The following GABRB2 variants were observed in gnomAD, a reference collection of about 807,000 sequenced individuals.
GABRB2 encodes gamma-aminobutyric acid type A receptor subunit beta2, also known as gamma-aminobutyric acid receptor subunit beta-2.
A neutral mutation model predicts 54.7 loss-of-function variants in GABRB2; 16 were observed. That is an observed-to-expected ratio of 0.29 (90% CI 0.20 to 0.44). The LOEUF is 0.44. GABRB2 is among the 20% of genes least tolerant of loss of function. The probability of loss-of-function intolerance (pLI) is 1.00; values close to 1 mark genes in which losing one functional copy is unlikely to be tolerated. For missense variants in GABRB2, 355 were observed against 644.0 expected (o/e 0.55, Z 4.86); for synonymous variants, 244 against 233.8 (o/e 1.04, Z -0.40).
chr5:161,434,842 G>A (rs1757265509), intron 4 of GABRB2, among the ~76,000 whole-genome samples: 1 of 152,196 alleles, frequency 6.6e-6, no homozygotes. Flanking sequence ...AGTGGCCAAT[G>A]AAATCAGATG....
At chr5:161,427,530 A>G (rs1195954576) in intron 4 of GABRB2, among the ~76,000 whole-genome samples, 2 of 152,162 alleles carry the variant, frequency 1.3e-5, no homozygotes, top group African/African-American at 2.4e-5. Context: ...GTTCAAGTTC[A>G]CCAAAGCAGC....
At chr5:161,524,204 A>G (rs1204462601) in intron 3 of GABRB2, among the ~76,000 whole-genome samples, 2 of 151,398 alleles carry the variant, frequency 1.3e-5, no homozygotes, top group African/African-American at 4.8e-5. Flanking sequence ...ATTAATGTAA[A>G]CATTAATGTT....
At position 161,337,679 on chromosome 5, in the gene GABRB2, C is replaced by T. The variant is rs1310850473; in HGVS notation, c.542-910G>A. Among the ~76,000 whole-genome samples the T allele has an allele frequency of 2.6e-5, 4 of 152,156 alleles. No individual in the cohort carries two copies. The East Asian group carries it at 7.7e-4, about 29-fold the overall frequency. On this transcript the variant is annotated intron_variant, in intron 5 of 9. Coordinates refer to ENST00000393959, the MANE Select transcript of GABRB2 (RefSeq NM_001371727.1). ...CATATAATCCTAGCTAGTAAGCAAA[C>T]ATATAACAGCAATGAATAAGCACAT...
intron 3 of GABRB2, 102 bp from the exon 4 acceptor site, chr5:161,459,946 T>C: frequency 1.5e-6 from 1 of 666,154 alleles, no homozygotes; most frequent in South Asian, 2.5e-5. Context: ...TTATTTTTAA[T>C]TTATTTTTAT....
chr5:161,350,146 G>T (rs1015631287), intron 5 of GABRB2, among the ~76,000 whole-genome samples: 2 of 152,048 alleles, frequency 1.3e-5, no homozygotes, highest in African/African-American at 2.4e-5. Context: ...TCTAGATCAG[G>T]AATAAGACAA....
intron 3 of GABRB2, among the ~76,000 whole-genome samples, chr5:161,470,167 C>T (rs1004447529): frequency 6.6e-6 from 1 of 151,732 alleles, no homozygotes; most frequent in African/African-American, 2.4e-5. Flanking sequence ...TCCACTTCCC[C>T]TACACATCAA....
chr5:161,484,152 C>T (rs904927852), intron 3 of GABRB2, among the ~76,000 whole-genome samples: 7 of 151,838 alleles, frequency 4.6e-5, no homozygotes, highest in Admixed American at 1.3e-4. Flanking sequence ...TTGGTTCATT[C>T]CATCAATTTG....
chr5:161,420,436 T>A (rs952452814), intron 4 of GABRB2, among the ~76,000 whole-genome samples: 1 of 152,226 alleles, frequency 6.6e-6, no homozygotes, highest in East Asian at 1.9e-4. Context: ...AAGTTGTGTA[T>A]CCCTAAAGAG....
intron 5 of GABRB2, among the ~76,000 whole-genome samples, chr5:161,404,132 G>A (rs1339198432): frequency 2.6e-5 from 4 of 152,078 alleles, no homozygotes; most frequent in East Asian, 3.8e-4. Flanking sequence ...AAATGTCAGA[G>A]GTTCAACATG....
intron 9 of GABRB2, among the ~76,000 whole-genome samples, chr5:161,301,879 C>G (rs553574760): frequency 6.6e-6 from 1 of 152,226 alleles, no homozygotes; most frequent in East Asian, 1.9e-4. Flanking sequence ...CCATTCCTGA[C>G]AAGGTTTTTT....
chr5:161,509,992 T>G (rs1358888501), intron 3 of GABRB2, among the ~76,000 whole-genome samples: 1 of 151,900 alleles, frequency 6.6e-6, no homozygotes, highest in Non-Finnish European at 1.5e-5. Context: ...TAGTTTTAAT[T>G]TTTGTGGTAT....
chr5:161,303,519 A>G (rs768243307), intron 9 of GABRB2, among the ~76,000 whole-genome samples: 1 of 152,224 alleles, frequency 6.6e-6, no homozygotes, highest in Non-Finnish European at 1.5e-5. Flanking sequence ...TCAAGTGAAC[A>G]TGTATAGCTT....
At chr5:161,445,689 C>A (rs771299663) in intron 4 of GABRB2, among the ~76,000 whole-genome samples, 5 of 152,144 alleles carry the variant, frequency 3.3e-5, no homozygotes, top group Non-Finnish European at 7.4e-5. Context: ...CCCAGACATT[C>A]TTTCTATTGA....
intron 3 of GABRB2, among the ~76,000 whole-genome samples, chr5:161,461,431 A>G (rs1388273098): frequency 6.6e-6 from 1 of 152,156 alleles, no homozygotes; most frequent in Non-Finnish European, 1.5e-5. Context: ...GTAAATATAC[A>G]TAACTTCTTT....
chr5:161,309,763 T>C (rs1199161362), intron 9 of GABRB2, among the ~76,000 whole-genome samples: 4 of 151,852 alleles, frequency 2.6e-5, no homozygotes, highest in African/African-American at 9.7e-5. Context: ...CCTGAGTAGC[T>C]AGGACTACAG....
intron 5 of GABRB2, among the ~76,000 whole-genome samples, chr5:161,395,280 T>G (rs968955872): frequency 6.6e-6 from 1 of 152,064 alleles, no homozygotes; most frequent in Non-Finnish European, 1.5e-5. Context: ...TATCTTTCCA[T>G]AGTTTGAAGA....
chr5:161,420,134 C>G (rs938754979), intron 4 of GABRB2, among the ~76,000 whole-genome samples: 1 of 152,020 alleles, frequency 6.6e-6, no homozygotes, highest in Non-Finnish European at 1.5e-5. Flanking sequence ...TAAAATATCT[C>G]TCTAATATTT....
intron 3 of GABRB2, among the ~76,000 whole-genome samples, chr5:161,524,896 T>C (rs372475602): frequency 7.9e-5 from 12 of 151,486 alleles, no homozygotes; most frequent in East Asian, 5.8e-4. Flanking sequence ...ATTTGAACCA[T>C]AGCTCATTCG....
intron 5 of GABRB2, among the ~76,000 whole-genome samples, chr5:161,399,192 CAT>C (rs770493165): frequency 6.6e-6 from 1 of 152,126 alleles, no homozygotes; most frequent in Non-Finnish European, 1.5e-5. Flanking sequence ...ATGTGTTAAT[CAT>C]ATGTTAGATA....
Sources: allele counts gnomAD v4.1 joint callset (sites outside exome capture counted in the v4.1 genomes callset), GRCh38; gene constraint gnomAD v4.1.1; transcripts MANE v1.5; gene names NCBI Gene and HGNC (gene_info 2026-07-23, HGNC 2026-07-21).